The following WDPCP variants were observed in gnomAD, a reference collection of about 807,000 sequenced individuals.
WDPCP encodes WD repeat-containing and planar cell polarity effector protein fritz homolog.
Under a neutral mutation model 93.1 loss-of-function variants are expected in WDPCP, and 71 were observed. The observed-to-expected ratio is 0.76, with a 90% confidence interval of 0.63 to 0.93. The LOEUF is 0.93. Ranked by LOEUF, WDPCP falls within the 40% of genes least tolerant of loss-of-function variation. The pLI, the probability that WDPCP is intolerant of heterozygous loss-of-function variation, is 0.00. For missense variants in WDPCP, 844 were observed against 887.4 expected (o/e 0.95, Z 0.62); for synonymous variants, 315 against 315.0 (o/e 1.00, Z 0.00).
At chr2:63,720,439 A>AC (rs1468698780) in intron 2 of WDPCP, among the ~76,000 whole-genome samples, 2 of 151,852 alleles carry the variant, frequency 1.3e-5, no homozygotes, top group East Asian at 1.9e-4. Flanking sequence ...AAACAAAACA[A>AC]AACAACAACA....
chr2:63,533,298 G>A (rs1338224277), intron 1 of WDPCP, among the ~76,000 whole-genome samples: 2 of 152,006 alleles, frequency 1.3e-5, no homozygotes, highest in South Asian at 2.1e-4. Flanking sequence ...TAGACAGATC[G>A]ATGAGACAGA....
chr2:63,828,659 A>G (rs1478415505), upstream of WDPCP, among the ~76,000 whole-genome samples: 2 of 152,146 alleles, frequency 1.3e-5, no homozygotes, highest in Admixed American at 6.5e-5. Flanking sequence ...ATGGAACACT[A>G]CTACATACAA....
intron 14 of WDPCP, among the ~76,000 whole-genome samples, chr2:63,244,289 C>T (rs1247982242): frequency 6.6e-6 from 1 of 152,060 alleles, no homozygotes; most frequent in Non-Finnish European, 1.5e-5. Context: ...AATTAACAAT[C>T]TAACATCACA....
chr2:63,500,573 A>C (rs573148446), intron 1 of WDPCP, among the ~76,000 whole-genome samples: 1 of 152,210 alleles, frequency 6.6e-6, no homozygotes, highest in South Asian at 2.1e-4. Flanking sequence ...ATGTTTTATC[A>C]AGTACATAGA....
chr2:63,671,082 G>A (rs1710340938), intron 2 of WDPCP, among the ~76,000 whole-genome samples: 1 of 152,112 alleles, frequency 6.6e-6, no homozygotes, highest in Non-Finnish European at 1.5e-5. Context: ...TTTTTAGAGA[G>A]GCTAGAGTAA....
intron 3 of WDPCP, among the ~76,000 whole-genome samples, chr2:63,630,194 C>A (rs1242082479): frequency 6.6e-6 from 1 of 151,840 alleles, no homozygotes; most frequent in South Asian, 2.1e-4. Context: ...TTCAAGTAAC[C>A]CACAAGAATT....
chr2:63,703,015 T>C (rs559999826), intron 2 of WDPCP, among the ~76,000 whole-genome samples: 305 of 152,288 alleles, frequency 2.0e-3, no homozygotes, highest in African/African-American at 7.0e-3. Flanking sequence ...AATGATGGTT[T>C]CAAGCTTCAT....
chr2:63,556,679 T>C lies in WDPCP; in HGVS notation c.75+31518A>G, dbSNP rs1706147320. Among the ~76,000 whole-genome samples the C allele has an allele frequency of 3.9e-5, 6 of 152,234 alleles. No individual in the cohort carries two copies. In the South Asian group the frequency reaches 1.0e-3, roughly 26 times the overall value. On this transcript the variant is annotated intron_variant, in intron 1 of 17. Coordinates refer to ENST00000272321, the MANE Select transcript of WDPCP (RefSeq NM_015910.7). Reference sequence around the variant, plus strand: ...TTTAGTTTTCAGAACACCAGTAAGATACTCCATGAAAAGATCAACCGCAAG... The same window carrying C: ...TTTAGTTTTCAGAACACCAGTAAGACACTCCATGAAAAGATCAACCGCAAG...
chr2:63,444,544 T>G (rs1187520386), intron 6 of WDPCP, among the ~76,000 whole-genome samples: 3 of 152,076 alleles, frequency 2.0e-5, no homozygotes, highest in African/African-American at 7.2e-5. Flanking sequence ...TATGTAAGAT[T>G]TGGTAGGACA....
At chr2:63,318,680 C>T (rs1226181378) in intron 12 of WDPCP, among the ~76,000 whole-genome samples, 3 of 152,068 alleles carry the variant, frequency 2.0e-5, no homozygotes, top group African/African-American at 4.8e-5. Context: ...ACCAAATACC[C>T]CATGTTCTCT....
intron 2 of WDPCP, among the ~76,000 whole-genome samples, chr2:63,672,389 T>A (rs981433292): frequency 3.9e-5 from 6 of 152,164 alleles, no homozygotes; most frequent in Non-Finnish European, 7.4e-5. Flanking sequence ...ACTATATAAA[T>A]CAGAGGATGT....
chr2:63,480,424 C>T (rs1700201170), intron 6 of WDPCP, among the ~76,000 whole-genome samples: 1 of 152,008 alleles, frequency 6.6e-6, no homozygotes, highest in African/African-American at 2.4e-5. Flanking sequence ...GCCCGCATAG[C>T]CAAAGCAAGA....
At chr2:63,289,258 T>C (rs1684233130) in intron 13 of WDPCP, among the ~76,000 whole-genome samples, 1 of 152,136 alleles carries the variant, frequency 6.6e-6, no homozygotes, top group Non-Finnish European at 1.5e-5. Flanking sequence ...CAAATTGTCA[T>C]TTTCTAATTC....
chr2:63,668,306 A>G (rs1026838587), intron 2 of WDPCP, among the ~76,000 whole-genome samples: 1 of 152,190 alleles, frequency 6.6e-6, no homozygotes, highest in African/African-American at 2.4e-5. Flanking sequence ...CTGCAGGTTC[A>G]GTGTTCCCAG....
At chr2:63,641,043 T>C (rs1477978587) in intron 3 of WDPCP, among the ~76,000 whole-genome samples, 1 of 152,186 alleles carries the variant, frequency 6.6e-6, no homozygotes, top group Non-Finnish European at 1.5e-5. Context: ...GATTTTTAGA[T>C]CCCACAAATA....
rs189033010 is a variant in WDPCP at position 63,675,559 on chromosome 2, A to G, written n.309-24721T>C. 2.6e-4 allele frequency among the ~76,000 whole-genome samples: 40 copies of G among 152,080 alleles called. No individual in the cohort carries two copies. In the East Asian group the frequency reaches 7.7e-3, roughly 29 times the overall value. ...GCAAGGGCAGAAAAATCTCCATTAT[A>G]TGTTGTCATGCACTCCTTTCAACTC... is the stretch of plus-strand genomic sequence containing the variant. On this transcript the variant is annotated intron_variant and non_coding_transcript_variant, in intron 2 of 4. Coordinates refer to the WDPCP transcript ENST00000467687.
intron 15 of WDPCP, among the ~76,000 whole-genome samples, chr2:63,171,457 A>G (rs1673384161): frequency 6.6e-6 from 1 of 152,238 alleles, no homozygotes; most frequent in African/African-American, 2.4e-5. Flanking sequence ...TGTTAGGGAA[A>G]TGCAAATTAA....
chr2:63,320,149 A>G (rs998839887), intron 12 of WDPCP, among the ~76,000 whole-genome samples: 2 of 152,164 alleles, frequency 1.3e-5, no homozygotes, highest in African/African-American at 4.8e-5. Flanking sequence ...AAACAATAGC[A>G]GAATAATCTC....
chr2:63,233,979 T>A (rs1252007683), intron 14 of WDPCP, among the ~76,000 whole-genome samples: 1 of 152,078 alleles, frequency 6.6e-6, no homozygotes, highest in East Asian at 1.9e-4. Context: ...ATTAAGAACA[T>A]ATGCTTAGGG....
Sources: allele counts gnomAD v4.1 joint callset (sites outside exome capture counted in the v4.1 genomes callset), GRCh38; gene constraint gnomAD v4.1.1; transcripts MANE v1.5; gene names NCBI Gene and HGNC (gene_info 2026-07-23, HGNC 2026-07-21).